RTTN: variants seen among roughly 807,000 people sequenced by gnomAD.
RTTN encodes the protein rotatin.
RTTN carries 182 observed loss-of-function variants against 269.2 expected under a neutral mutation model. The ratio of observed to expected loss-of-function variants is 0.68; its 90% CI spans 0.60 to 0.76. The LOEUF is 0.76. Among genes scored for constraint, RTTN ranks in the 30% least tolerant of loss-of-function variants. The pLI, the probability that RTTN is intolerant of heterozygous loss-of-function variation, is 0.00. For synonymous variants in RTTN, 1,006 were observed against 963.5 expected (o/e 1.04, Z -0.82); for missense variants, 2,545 against 2,608.6 (o/e 0.98, Z 0.53).
intron 40 of RTTN, among the ~76,000 whole-genome samples, chr18:70,036,794 A>G (rs1042922274): frequency 6.6e-6 from 1 of 152,208 alleles, no homozygotes; most frequent in Non-Finnish European, 1.5e-5. Flanking sequence ...TAACAACTAT[A>G]TGCACACAGA....
At chr18:70,149,832 T>TG in intron 16 of RTTN, 139 bp downstream of exon 16, 1 of 671,844 alleles carries the variant, frequency 1.5e-6, no homozygotes. Context: ...ACCCACTTCC[T>TG]GTTCACTTAT....
chr18:70,077,768 T>A (rs1313326006), intron 32 of RTTN, among the ~76,000 whole-genome samples: 1 of 151,896 alleles, frequency 6.6e-6, no homozygotes, highest in Non-Finnish European at 1.5e-5. Flanking sequence ...AAGTTTAGAA[T>A]CTGTTCTATT....
chr18:70,078,823 A>G (rs577917049), intron 32 of RTTN, among the ~76,000 whole-genome samples: 3 of 152,222 alleles, frequency 2.0e-5, no homozygotes, highest in African/African-American at 7.2e-5. Context: ...ACTATTAAAG[A>G]TGGGTATTAG....
chr18:70,055,318 TACAC>T lies in RTTN; in HGVS notation c.5032-1038_5032-1035del, dbSNP rs143114816. Among the ~76,000 whole-genome samples the T allele has an allele frequency of 1.5e-4, 23 of 150,002 alleles. No individual in the cohort carries two copies. The East Asian group carries it at 3.3e-3, about 22-fold the overall frequency. ...CTCTCTCTCTGTACACACACACACA[TACAC>T]ACACACACACACACTTTTTTTCCTC... On this transcript the variant is annotated intron_variant, in intron 37 of 48. Transcript: ENST00000640769.
chr18:70,182,929 A>C (rs2061452719), intron 10 of RTTN, among the ~76,000 whole-genome samples: 1 of 152,226 alleles, frequency 6.6e-6, no homozygotes, highest in Admixed American at 6.5e-5. Flanking sequence ...GATTATTCTA[A>C]AGTTGATCCA....
At chr18:70,164,202 AT>A (rs2060923615) in intron 14 of RTTN, among the ~76,000 whole-genome samples, 2 of 97,016 alleles carry the variant, frequency 2.1e-5, no homozygotes, top group Non-Finnish European at 4.0e-5. Flanking sequence ...AAATGGTAAA[AT>A]TTTTTCCTTT....
chr18:70,100,403 T>C (rs11151565), intron 28 of RTTN, among the ~76,000 whole-genome samples: 125,639 of 152,210 alleles, frequency 0.83, 55,234 homozygotes, highest in East Asian at 1. Context: ...ATAGGAATGC[T>C]TGTGACTTCT....
In RTTN at chr18:70,204,983, A is replaced by C. The variant is rs937027215; in HGVS notation, c.219+145T>G. On this transcript the variant is annotated intron_variant, in intron 2 of 48. Transcript: ENST00000640769. ...ATCACAAATAAAAGATGAACCATATACCCAGATTAATTAAAATTAAACATC... is the reference window on the plus strand; with the variant it reads ...ATCACAAATAAAAGATGAACCATATCCCCAGATTAATTAAAATTAAACATC... 56 of 727,882 alleles carry C rather than the reference A, an allele frequency of 7.7e-5. No homozygotes were observed. The African/African-American group carries it at 9.9e-4, about 13-fold the overall frequency. The allele number at this position is 727,882 out of a possible 1,614,324, so 45.1% of individuals were successfully genotyped here.
chr18:70,059,642 G>C (rs1470541537), intron 36 of RTTN, among the ~76,000 whole-genome samples: 2 of 151,976 alleles, frequency 1.3e-5, no homozygotes, highest in Non-Finnish European at 2.9e-5. Flanking sequence ...TAATAGTCAA[G>C]ATAACAAACT....
chr18:70,003,413 A>G lies in RTTN; in HGVS notation c.*738T>C, dbSNP rs914202093. 6.6e-6 allele frequency: 1 copy of G among 152,192 alleles called. No homozygotes were observed. The highest frequency in any genetic ancestry group is 6.5e-5 in the Admixed American group (1 of 15,280). The allele number at this position is 152,192 out of a possible 1,614,324, so 9.4% of individuals were successfully genotyped here. ...GAGCTAAATTTGAACCCAGGCTTAT[A>G]CAGCCCCAACTCTATTTCTTTCTTC... is the stretch of plus-strand genomic sequence containing the variant. On this transcript the variant is annotated 3_prime_UTR_variant, in exon 49 of 49. Transcript: ENST00000640769.
rs945590102 is a variant in RTTN at position 70,088,287 on chromosome 18, G to C, written c.4144-140C>G. ...TCCTAAATTATAAGAGACACCTATA[G>C]AAGACAGTGTCCTCCATTCCATGAT... On this transcript the variant is annotated intron_variant, in intron 30 of 48. Transcript: ENST00000640769. 7.3e-6 allele frequency: 5 copies of C among 680,592 alleles called. No homozygotes were observed. In the African/African-American group the frequency reaches 9.1e-5, roughly 12 times the overall value. The allele number at this position is 680,592 out of a possible 1,614,324, so 42.2% of individuals were successfully genotyped here. A position where few individuals can be genotyped will look rare whatever the true frequency, so the allele number is the denominator to read the frequency against.
intron 47 of RTTN, 190 bp downstream of exon 47, chr18:70,006,191 T>C: frequency 2.0e-6 from 1 of 496,640 alleles, no homozygotes; most frequent in Non-Finnish European, 3.6e-6. Context: ...TCTGTTGAAA[T>C]GATTAAATAA....
chr18:70,106,302 A>C (rs1436943493), intron 28 of RTTN, among the ~76,000 whole-genome samples: 2 of 152,162 alleles, frequency 1.3e-5, no homozygotes, highest in Non-Finnish European at 2.9e-5. Flanking sequence ...CTGTGATTGC[A>C]CCACTGCATT....
At chr18:70,026,590 TA>T (rs2056860566) in intron 43 of RTTN, among the ~76,000 whole-genome samples, 1 of 152,138 alleles carries the variant, frequency 6.6e-6, no homozygotes, top group Admixed American at 6.5e-5. Flanking sequence ...GTGAGCCAAT[TA>T]AACCTCTTTT....
chr18:70,110,257 TG>T (rs1234680158), intron 27 of RTTN, among the ~76,000 whole-genome samples: 1 of 147,274 alleles, frequency 6.8e-6, no homozygotes, highest in Non-Finnish European at 1.5e-5. Context: ...AAAAAAAGGT[TG>T]GGGGGATTGC....
At chr18:70,188,955 G>C (rs181227603) in intron 9 of RTTN, among the ~76,000 whole-genome samples, 20 of 152,282 alleles carry the variant, frequency 1.3e-4, no homozygotes, top group Admixed American at 5.2e-4. Context: ...CACTAGAAGA[G>C]CTGGACCAAA....
intron 23 of RTTN, chr18:70,129,296 G>A (rs1482940961): frequency 6.6e-6 from 1 of 151,750 alleles, no homozygotes; most frequent in African/African-American, 2.4e-5. Context: ...AAATGTATAT[G>A]GAACAAAACA....
chr18:70,121,042 C>T (rs374572529), intron 26 of RTTN, among the ~76,000 whole-genome samples: 5 of 150,638 alleles, frequency 3.3e-5, no homozygotes, highest in Admixed American at 6.6e-5. Flanking sequence ...CAGGGCGAGA[C>T]GCCGTCTCAA....
chr18:70,073,371 T>C (rs1336749593), intron 34 of RTTN, among the ~76,000 whole-genome samples: 1 of 152,148 alleles, frequency 6.6e-6, no homozygotes, highest in East Asian at 1.9e-4. Context: ...TAAACTTCTA[T>C]GTGATGCAAG....
Sources: gnomAD v4.1 joint callset for allele counts (sites outside exome capture counted in the v4.1 genomes callset) on GRCh38, gnomAD v4.1.1 for gene constraint, MANE v1.5 for transcripts, NCBI Gene and HGNC (gene_info 2026-07-23, HGNC 2026-07-21) for gene names.